ZNF653: variants seen among roughly 807,000 people sequenced by gnomAD.
ZNF653 encodes 67 kDa zinc finger protein.
In ZNF653, 37 loss-of-function variants were observed where a neutral mutation model predicts 59.9. The observed-to-expected ratio is 0.62, with a 90% CI of 0.48 to 0.81. ZNF653 has a LOEUF of 0.81. Ranked by LOEUF, ZNF653 falls within the 40% of genes least tolerant of loss-of-function variation. The pLI is 0.00. For missense variants in ZNF653, 808 were observed against 881.1 expected (o/e 0.92, Z 1.05); for synonymous variants, 435 against 371.8 (o/e 1.17, Z -1.96).
In ZNF653 at chr19:11,487,353, G is replaced by A. The variant is rs1227632969; in HGVS notation, c.1110C>T (p.Pro370=). The change falls in exon 4 of 9, where the codon CCC becomes CCT. Residue 370 remains proline (P), a synonymous_variant. Transcript: ENST00000293771. This position sits in a 1 kb window ranked among gnomAD's most constrained non-coding sequence, Gnocchi z 5.1. ...CCATGGTGCTAGGCTGGCTACCCTCGGGCTCTGTCTGGGTGTAGGCTGCCA... is the reference window on the plus strand; with the variant it reads ...CCATGGTGCTAGGCTGGCTACCCTCAGGCTCTGTCTGGGTGTAGGCTGCCA... ...EGVAAYTQTE[P]EGSQPSTMDA... is the part of the protein sequence containing the mutation. The A allele has an allele frequency of 4.3e-6, 7 of 1,613,286 alleles. No homozygotes were observed. The highest frequency in any genetic ancestry group is 1.7e-5 in the Admixed American group (1 of 60,002).
intron 1 of ZNF653, among the ~76,000 whole-genome samples, chr19:11,501,124 G>C (rs2144951374): frequency 6.6e-6 from 1 of 151,282 alleles, no homozygotes; most frequent in East Asian, 1.9e-4. Context: ...CTCCCATCTT[G>C]GGTTAAAATC....
At chr19:11,485,849 TG>T in intron 6 of ZNF653, 79 bp from the exon 7 acceptor site, 1 of 1,153,906 alleles carries the variant, frequency 8.7e-7, no homozygotes, top group Non-Finnish European at 1.3e-6. Context: ...TGAGGGCAGC[TG>T]GAAGGCAGGC....
chr19:11,501,219 C>A (rs1405268797), intron 1 of ZNF653, among the ~76,000 whole-genome samples: 1 of 150,818 alleles, frequency 6.6e-6, no homozygotes. Flanking sequence ...CGTGGTGTTG[C>A]CCCAGCTGGA....
chr19:11,484,021 A>G, intron 8 of ZNF653, 21 bp downstream of exon 8: 1 of 1,549,982 alleles, frequency 6.5e-7, no homozygotes. Flanking sequence ...CTCTAGCGGC[A>G]CGGGGCGGCC....
At chr19:11,493,895 T>C (rs776840068) in intron 3 of ZNF653, among the ~76,000 whole-genome samples, 1 of 152,026 alleles carries the variant, frequency 6.6e-6, no homozygotes, top group South Asian at 2.1e-4. Flanking sequence ...GGTGTGTGCC[T>C]GTGTTCCCAG....
Position 11,505,470 on chromosome 19 carries a change from G to T in ZNF653, c.299+18C>A, listed in dbSNP as rs776553626. ...GGGGCGTCTCCTCCCTCCCTCCCTCGGGGCCAGGCCCCCTCACCCGTGGCG... is the reference window on the plus strand; with the variant it reads ...GGGGCGTCTCCTCCCTCCCTCCCTCTGGGCCAGGCCCCCTCACCCGTGGCG... On this transcript the variant is annotated intron_variant, in intron 1 of 8. Transcript: ENST00000293771. 9.8e-5 allele frequency: 142 copies of T among 1,444,836 alleles called. No homozygotes were observed. Among genetic ancestry groups the T allele is most frequent in the Non-Finnish European group, 1.2e-4 (138 of 1,111,186 alleles). 89.5% of individuals were successfully genotyped at this position (1,444,836 alleles called of 1,614,324 possible). A position where few individuals can be genotyped will look rare whatever the true frequency, so the allele number is the denominator to read the frequency against.
rs763672243 is a variant in ZNF653 at position 11,483,587 on chromosome 19, G to A, written c.*95C>T. The A allele has an allele frequency of 2.0e-6, 3 of 1,471,934 alleles. No homozygotes were observed. The highest frequency in any genetic ancestry group is 2.7e-5 in the South Asian group (2 of 73,310). The allele number at this position is 1,471,934 out of a possible 1,614,324, so 91.2% of individuals were successfully genotyped here. On this transcript the variant is annotated 3_prime_UTR_variant, in exon 9 of 9. Coordinates refer to ENST00000293771, the MANE Select transcript of ZNF653 (RefSeq NM_138783.4). ...GCGGGGGCGCCTCCTTCCGGCCCGC[G>A]GTCCGGGCGGCCCTCGCAGCTGTCC... is the stretch of plus-strand genomic sequence containing the variant.
In ZNF653 at chr19:11,488,044, G is replaced by A. The variant is rs555510446; in HGVS notation, c.560-141C>T. 26 of 845,520 alleles carry A rather than the reference G, an allele frequency of 3.1e-5. No individual in the cohort carries two copies. In the African/African-American group the frequency reaches 4.5e-4, roughly 15 times the overall value. The allele number at this position is 845,520 out of a possible 1,614,324, so 52.4% of individuals were successfully genotyped here. ...ACTCTGTCACCCAGGCTGGAGTGCAGTGGTGCGATCTCAGCTCACTGCAAC... is the reference window on the plus strand; with the variant it reads ...ACTCTGTCACCCAGGCTGGAGTGCAATGGTGCGATCTCAGCTCACTGCAAC... On this transcript the variant is annotated intron_variant, in intron 3 of 8. Transcript: ENST00000293771.
intron 3 of ZNF653, among the ~76,000 whole-genome samples, chr19:11,488,885 C>T (rs565236254): frequency 1.3e-5 from 2 of 151,710 alleles, no homozygotes; most frequent in South Asian, 2.1e-4. Context: ...CATGAGCCAC[C>T]GCATCCGGCC....
chr19:11,487,264 G>C lies in ZNF653; in HGVS notation c.1171+28C>G. 1 of 1,603,816 alleles carries C rather than the reference G, an allele frequency of 6.2e-7. No homozygotes were observed. The highest frequency in any genetic ancestry group is 8.5e-7 in the Non-Finnish European group (1 of 1,174,162). ...CCCCTCCCAGGCCCAACCACCCCTG[G>C]CCAGAGGCCACGACAGGTCCCCCAG... is the stretch of plus-strand genomic sequence containing the variant. On this transcript the variant is annotated intron_variant, in intron 4 of 8. Transcript: ENST00000293771. This position sits in a 1 kb window ranked among gnomAD's most constrained non-coding sequence, Gnocchi z 5.1.
chr19:11,503,055 G>T (rs1971664450), intron 1 of ZNF653, among the ~76,000 whole-genome samples: 1 of 151,686 alleles, frequency 6.6e-6, no homozygotes, highest in African/African-American at 2.4e-5. Context: ...AGGTGGGGGG[G>T]GCATCAGGGG....
chr19:11,490,302 C>G lies in ZNF653; in HGVS notation c.560-2399G>C, dbSNP rs570279723. On this transcript the variant is annotated intron_variant, in intron 3 of 8. Transcript: ENST00000293771. ...ATGGTATGGGCTTCCATGCCCTCTC[C>G]GGGGGTACCACCGTCCCAGCATCTC... Among the ~76,000 whole-genome samples, 19 of 152,316 alleles carry G rather than the reference C, an allele frequency of 1.2e-4. No individual in the cohort carries two copies. The South Asian group carries it at 3.9e-3, about 32-fold the overall frequency.
intron 2 of ZNF653, among the ~76,000 whole-genome samples, chr19:11,497,669 G>A (rs1259340514): frequency 6.6e-6 from 1 of 152,210 alleles, no homozygotes; most frequent in Non-Finnish European, 1.5e-5. Context: ...TGGGCCGGGA[G>A]ATGAAGAGGG....
intron 7 of ZNF653, 50 bp downstream of exon 7, chr19:11,485,606 C>G (rs1971457273): frequency 6.7e-7 from 1 of 1,495,952 alleles, no homozygotes; most frequent in Non-Finnish European, 9.3e-7. Flanking sequence ...GCTCCCAGGC[C>G]CATGTCCCTG....
rs767112049 is a variant in ZNF653 at position 11,487,209 on chromosome 19, TGCCCACTTCGAGG to T, written c.1172-64_1172-52del. 1.2e-6 allele frequency: 2 copies of T among 1,602,600 alleles called. No individual in the cohort carries two copies. The highest frequency in any genetic ancestry group is 1.3e-5 in the African/African-American group (1 of 74,822). ...CCGCAGGGGACGAAGGCTGCCGAGG[TGCCCACTTCGAGG>T]GCCATTCCTCGCCCGGCCCCTCCCA... On this transcript the variant is annotated intron_variant, in intron 4 of 8. Transcript: ENST00000293771. This position sits in a 1 kb window ranked among gnomAD's most constrained non-coding sequence, Gnocchi z 5.1.
At chr19:11,494,643 G>A (rs191773724) in intron 3 of ZNF653, among the ~76,000 whole-genome samples, 13 of 152,282 alleles carry the variant, frequency 8.5e-5, no homozygotes, top group East Asian at 5.8e-4. Flanking sequence ...AGCCGAGATC[G>A]CGCCATTGCA....
intron 1 of ZNF653, among the ~76,000 whole-genome samples, chr19:11,501,504 C>T (rs1599568897): frequency 1.3e-5 from 2 of 152,122 alleles, no homozygotes; most frequent in East Asian, 1.9e-4. Context: ...CCCGTTTTGT[C>T]ACAGTTGTCT....
chr19:11,504,081 G>A (rs1451298143), intron 1 of ZNF653, among the ~76,000 whole-genome samples: 1 of 152,040 alleles, frequency 6.6e-6, no homozygotes, highest in Non-Finnish European at 1.5e-5. Flanking sequence ...TTCCACTCTG[G>A]GCGAGAGAGT....
intron 2 of ZNF653, 74 bp from the exon 3 acceptor site, chr19:11,496,239 C>A (rs1344847902): frequency 2.7e-6 from 4 of 1,482,976 alleles, no homozygotes; most frequent in Non-Finnish European, 3.7e-6. Context: ...CCTGAACCAC[C>A]GGGGCTTTAT....
Sources: allele counts gnomAD v4.1 joint callset (sites outside exome capture counted in the v4.1 genomes callset), GRCh38; gene constraint gnomAD v4.1.1; non-coding constraint Gnocchi (gnomAD v3.1); transcripts MANE v1.5; gene names NCBI Gene and HGNC (gene_info 2026-07-23, HGNC 2026-07-21).